The following SESN1 variants were observed in gnomAD, a reference collection of about 807,000 sequenced individuals.
The protein encoded by SESN1 is sestrin 1, also known as sestrin-1.
Under a neutral mutation model 59.3 loss-of-function variants are expected in SESN1, and 30 were observed. The observed-to-expected ratio is 0.51, with a 90% CI of 0.38 to 0.69. SESN1 has a LOEUF of 0.69. SESN1 is among the 30% of genes least tolerant of loss of function. The pLI, the probability that SESN1 is intolerant of heterozygous loss-of-function variation, is 0.00. For synonymous variants in SESN1, 197 were observed against 219.9 expected (o/e 0.90, Z 0.92); for missense variants, 566 against 673.0 (o/e 0.84, Z 1.76).
rs1226718798 is a variant in SESN1 at position 109,071,596 on chromosome 6, G to C, written c.279+22199C>G. ...GAGGGCTGCAACTCTGCTGTGCTCA[G>C]CTGAGCTCCCTGTGTTTTCATATTC... On this transcript the variant is annotated intron_variant, in intron 1 of 9. Transcript: ENST00000436639. 3.2e-4 allele frequency among the ~76,000 whole-genome samples: 49 copies of C among 152,120 alleles called. 1 individual carries two copies. The highest frequency in any genetic ancestry group is 3.2e-3 in the Admixed American group (49 of 15,276).
At chr6:109,009,523 C>A in intron 1 of SESN1, 1 of 1,187,174 alleles carries the variant, frequency 8.4e-7, no homozygotes, top group Non-Finnish European at 1.0e-6. Context: ...GGCCGCGGCT[C>A]CTGGCTGCAG....
intron 1 of SESN1, among the ~76,000 whole-genome samples, chr6:109,005,977 C>A (rs547640076): frequency 6.6e-6 from 1 of 152,228 alleles, no homozygotes; most frequent in African/African-American, 2.4e-5. Flanking sequence ...TAACACTAGT[C>A]AATGATATCT....
chr6:109,036,630 T>A (rs540545139), intron 1 of SESN1, among the ~76,000 whole-genome samples: 13 of 152,160 alleles, frequency 8.5e-5, no homozygotes, highest in East Asian at 5.8e-4. Context: ...ATAAAAAAAA[T>A]TTTTTTTAGG....
intron 1 of SESN1, among the ~76,000 whole-genome samples, chr6:109,052,301 AAAGAT>A (rs1252418624): frequency 6.6e-6 from 1 of 151,992 alleles, no homozygotes; most frequent in Non-Finnish European, 1.5e-5. Flanking sequence ...AGAAAATTTT[AAAGAT>A]AATTTTTGTT....
rs533628542 is a variant in SESN1 at position 109,016,092 on chromosome 6, T to A, written c.280-13749A>T. ...CTTAATGGAACTGAACTAATCCCAT[T>A]TAACCATAGGATTTTTACCCGTGGT... On this transcript the variant is annotated intron_variant, in intron 1 of 9. Coordinates refer to ENST00000436639, the MANE Select transcript of SESN1 (RefSeq NM_014454.3). Among the ~76,000 whole-genome samples the A allele has an allele frequency of 3.3e-5, 5 of 152,332 alleles. No individual in the cohort carries two copies. In the East Asian group the frequency reaches 9.6e-4, roughly 29 times the overall value.
intron 1 of SESN1, among the ~76,000 whole-genome samples, chr6:109,022,049 A>ATT (rs544552358): frequency 0.092 from 13,544 of 147,340 alleles, 808 homozygotes; most frequent in Middle Eastern, 0.2. Context: ...TGTGCCAGGC[A>ATT]TTTTTTTTTT....
intron 1 of SESN1, among the ~76,000 whole-genome samples, chr6:109,015,970 A>G (rs1314750670): frequency 6.6e-6 from 1 of 152,210 alleles, no homozygotes; most frequent in Non-Finnish European, 1.5e-5. Flanking sequence ...CTATAATTTT[A>G]AATACGAGGA....
intron 1 of SESN1, among the ~76,000 whole-genome samples, chr6:109,048,813 A>G (rs1451848103): frequency 5.9e-5 from 9 of 152,192 alleles, no homozygotes; most frequent in Non-Finnish European, 1.0e-4. Context: ...ATCACAATTT[A>G]TTCTATGTGT....
intron 1 of SESN1, among the ~76,000 whole-genome samples, chr6:109,092,574 C>T (rs1781333887): frequency 6.6e-6 from 1 of 152,164 alleles, no homozygotes; most frequent in African/African-American, 2.4e-5. Context: ...AAAAATTACA[C>T]ACAAAAATAC....
chr6:109,060,520 T>A (rs144408819), intron 1 of SESN1, among the ~76,000 whole-genome samples: 1 of 152,124 alleles, frequency 6.6e-6, no homozygotes, highest in Admixed American at 6.6e-5. Context: ...TCTAGAAAAG[T>A]GTTAGGTGAA....
chr6:109,093,329 G>GA (rs1390942509), intron 1 of SESN1, among the ~76,000 whole-genome samples: 1 of 151,944 alleles, frequency 6.6e-6, no homozygotes, highest in Non-Finnish European at 1.5e-5. Flanking sequence ...TTCTCTTCTT[G>GA]AAAAAAGAGA....
intron 1 of SESN1, among the ~76,000 whole-genome samples, chr6:109,032,855 G>T (rs1174280953): frequency 3.9e-5 from 6 of 152,060 alleles, no homozygotes; most frequent in African/African-American, 1.2e-4. Context: ...ATAGGCTGTA[G>T]TTTTTTAAAA....
intron 1 of SESN1, among the ~76,000 whole-genome samples, chr6:109,029,894 T>C (rs943930080): frequency 9.9e-5 from 15 of 152,154 alleles, no homozygotes; most frequent in African/African-American, 3.6e-4. Flanking sequence ...TTGTATCTAA[T>C]TACGTTATAT....
At chr6:109,003,366 T>C (rs554920592) in intron 1 of SESN1, among the ~76,000 whole-genome samples, 1 of 123,524 alleles carries the variant, frequency 8.1e-6, no homozygotes, top group Non-Finnish European at 1.7e-5. Context: ...AGAAAAAAAG[T>C]GGGGATGGGG....
At chr6:108,988,726 G>A (rs1393446787) in intron 8 of SESN1, 39 bp from the exon 9 acceptor site, 6 of 1,501,378 alleles carry the variant, frequency 4.0e-6, no homozygotes, top group African/African-American at 1.4e-5. Flanking sequence ...TATTTTCAGT[G>A]TATAACCTGT....
intron 1 of SESN1, among the ~76,000 whole-genome samples, chr6:109,025,573 T>G (rs1278637129): frequency 6.7e-6 from 1 of 150,192 alleles, no homozygotes; most frequent in Non-Finnish European, 1.5e-5. Context: ...GAAGGCCAGT[T>G]CAATATGCTT....
chr6:109,020,434 G>A (rs1049183778), intron 1 of SESN1, among the ~76,000 whole-genome samples: 1 of 152,018 alleles, frequency 6.6e-6, no homozygotes, highest in African/African-American at 2.4e-5. Flanking sequence ...TTCTTGCTGT[G>A]GGTAGAAAAT....
At chr6:108,998,855 T>G in intron 4 of SESN1, 100 bp from the exon 5 acceptor site, 7 of 1,347,216 alleles carry the variant, frequency 5.2e-6, no homozygotes, top group Non-Finnish European at 5.0e-6. Flanking sequence ...TGAGTCATCA[T>G]ACAAAGCCTA....
rs569508929 is a variant in SESN1 at position 109,089,912 on chromosome 6, C to G, written c.279+3883G>C. Among the ~76,000 whole-genome samples the G allele has an allele frequency of 9.9e-4, 150 of 152,218 alleles. 1 individual carries two copies. The highest frequency in any genetic ancestry group is 3.5e-3 in the African/African-American group (147 of 41,544). ...TTGATGTCACACATCCACTTTTGAC[C>G]ATGGAAATCCATTCTCTAGAGTGAT... On this transcript the variant is annotated intron_variant, in intron 1 of 9. Transcript: ENST00000436639.
Sources: allele counts gnomAD v4.1 joint callset (sites outside exome capture counted in the v4.1 genomes callset), GRCh38; gene constraint gnomAD v4.1.1; transcripts MANE v1.5; gene names NCBI Gene and HGNC (gene_info 2026-07-23, HGNC 2026-07-21).